The following FBN3 variants were observed in gnomAD, a reference collection of about 807,000 sequenced individuals.
The protein encoded by FBN3 is fibrillin 3.
FBN3 carries 234 observed loss-of-function variants against 330.1 expected under a neutral mutation model. The observed-to-expected ratio is 0.71, with a 90% CI of 0.64 to 0.79. The LOEUF is 0.79. Ranked by LOEUF, FBN3 falls within the 30% of genes least tolerant of loss-of-function variation. The probability of loss-of-function intolerance (pLI) is 0.00; values close to 1 mark genes in which losing one functional copy is unlikely to be tolerated. For synonymous variants in FBN3, 1,458 were observed against 1,517.3 expected (o/e 0.96, Z 0.91); for missense variants, 3,606 against 3,886.9 (o/e 0.93, Z 1.92).
chr19:8,137,434 C>G (rs901393872), intron 10 of FBN3, among the ~76,000 whole-genome samples: 1 of 151,752 alleles, frequency 6.6e-6, no homozygotes, highest in Non-Finnish European at 1.5e-5. Flanking sequence ...CAAAATGGAG[C>G]CTTAGATCCC....
intron 41 of FBN3, among the ~76,000 whole-genome samples, chr19:8,100,100 A>T (rs533747865): frequency 1.3e-5 from 2 of 152,054 alleles, no homozygotes; most frequent in African/African-American, 4.8e-5. Context: ...AATAAGCCTG[A>T]CACAAAACAA....
intron 6 of FBN3, among the ~76,000 whole-genome samples, chr19:8,144,250 A>G (rs536714122): frequency 6.6e-6 from 1 of 152,096 alleles, no homozygotes; most frequent in Admixed American, 6.6e-5. Flanking sequence ...AAATTACAAA[A>G]ATTAGCTGAG....
Position 8,083,236 on chromosome 19 carries a change from G to C in FBN3, c.7213+11C>G. The C allele has an allele frequency of 6.2e-7, 1 of 1,613,866 alleles. No homozygotes were observed. Among genetic ancestry groups the C allele is most frequent in the Non-Finnish European group, 8.5e-7 (1 of 1,179,980 alleles). On this transcript the variant is annotated intron_variant, in intron 57 of 63. Transcript: ENST00000600128. ...TGGGCCAAGGGTGCAGGTGCAGAGG[G>C]CTGGGCTCACCCAGGCAGGTAGTAG...
chr19:8,118,165 A>G (rs1266715683), intron 26 of FBN3, among the ~76,000 whole-genome samples: 2 of 152,114 alleles, frequency 1.3e-5, no homozygotes, highest in Non-Finnish European at 2.9e-5. Context: ...ACCCAGAGGT[A>G]CACCCACACA....
In FBN3 at chr19:8,118,940, ACACTGG is replaced by A. The variant is rs2082773786; in HGVS notation, c.3288_3293del (p.Gln1097_Cys1098del). On this transcript the variant is annotated inframe_deletion, in exon 26 of 64. Coordinates refer to ENST00000600128, the MANE Select transcript of FBN3 (RefSeq NM_032447.5). ...TGGCCGTCAGCTCATGCCCAGGGGGACACTGGCACTTGTAGCTCCCATCCGTGTTGG... is the reference window on the plus strand; with the variant it reads ...TGGCCGTCAGCTCATGCCCAGGGGGACACTTGTAGCTCCCATCCGTGTTGG... 1 of 1,613,028 alleles carries A rather than the reference ACACTGG, an allele frequency of 6.2e-7. No individual in the cohort carries two copies. Among genetic ancestry groups the A allele is most frequent in the Non-Finnish European group, 8.5e-7 (1 of 1,179,206 alleles).
chr19:8,106,729 G>GTGGA (rs66869706), intron 37 of FBN3, among the ~76,000 whole-genome samples: 8 of 151,010 alleles, frequency 5.3e-5, no homozygotes, highest in African/African-American at 7.3e-5. Context: ...GGGTGGATAA[G>GTGGA]TGGATGGATG....
chr19:8,081,070 G>A lies in FBN3; in HGVS notation c.7386C>T (p.Val2462=), dbSNP rs368025913. The change falls in exon 59 of 64, where the codon GTC becomes GTT. Residue 2462 remains valine (V), a synonymous_variant. Coordinates refer to ENST00000600128, the MANE Select transcript of FBN3 (RefSeq NM_032447.5). ...SRQHNCQFLC[V]NTVGAFTCRC... Reference sequence around the variant, plus strand: ...GGCAGGTGAAGGCGCCCACAGTGTTGACACAGAGGAACTGACAGTTGTGCT... The same window carrying A: ...GGCAGGTGAAGGCGCCCACAGTGTTAACACAGAGGAACTGACAGTTGTGCT... 5 of 1,613,594 alleles carry A rather than the reference G, an allele frequency of 3.1e-6. No homozygotes were observed. Among genetic ancestry groups the A allele is most frequent in the Non-Finnish European group, 4.2e-6 (5 of 1,179,998 alleles).
At chr19:8,134,160 T>C (rs1046998717) in intron 13 of FBN3, among the ~76,000 whole-genome samples, 3 of 151,754 alleles carry the variant, frequency 2.0e-5, no homozygotes, top group African/African-American at 7.3e-5. Context: ...GGGAATGATG[T>C]GAACCCGGGA....
Position 8,131,452 on chromosome 19 carries a change from G to A in FBN3, c.1990+102C>T. The A allele has an allele frequency of 2.0e-6, 3 of 1,492,440 alleles. No individual in the cohort carries two copies. The highest frequency in any genetic ancestry group is 2.7e-6 in the Non-Finnish European group (3 of 1,096,236). 92.4% of individuals were successfully genotyped at this position (1,492,440 alleles called of 1,614,324 possible). A position where few individuals can be genotyped will look rare whatever the true frequency, so the allele number is the denominator to read the frequency against. On this transcript the variant is annotated intron_variant, in intron 15 of 63. Transcript: ENST00000600128. This position sits in a 1 kb window ranked among gnomAD's most constrained non-coding sequence, Gnocchi z 4.5. Reference sequence around the variant, plus strand: ...ACTCCCTTCAGCCTCTTTTTGGGAAGAGCCCCCACTCCATGGCAGCCATGA... The same window carrying A: ...ACTCCCTTCAGCCTCTTTTTGGGAAAAGCCCCCACTCCATGGCAGCCATGA...
At chr19:8,090,729 C>T (rs537047162) in intron 48 of FBN3, among the ~76,000 whole-genome samples, 1 of 152,072 alleles carries the variant, frequency 6.6e-6, no homozygotes, top group South Asian at 2.1e-4. Context: ...GGTGATCAGC[C>T]TGCCTCAGCC....
At chr19:8,073,002 T>TGC (rs1555723748) in intron 62 of FBN3, 61 bp downstream of exon 62, 182 of 930,810 alleles carry the variant, frequency 2.0e-4, no homozygotes, top group Middle Eastern at 1.6e-3. Flanking sequence ...TGTGTGTGTG[T>TGC]GCGTGCGTGC....
chr19:8,095,846 T>C (rs2082196864), intron 45 of FBN3, 118 bp downstream of exon 45: 1 of 661,040 alleles, frequency 1.5e-6, no homozygotes, highest in African/African-American at 1.8e-5. Flanking sequence ...GAGTATGTTA[T>C]TTAATTTCTA....
chr19:8,136,139 G>A (rs1306288581), intron 12 of FBN3, 51 bp downstream of exon 12: 3 of 1,612,606 alleles, frequency 1.9e-6, no homozygotes, highest in Non-Finnish European at 2.5e-6. Flanking sequence ...CTCCAAGCCT[G>A]GGCCAGAACC....
At chr19:8,128,718 C>T (rs8112970) in intron 18 of FBN3, among the ~76,000 whole-genome samples, 49,337 of 152,038 alleles carry the variant, frequency 0.32, 9,378 homozygotes, top group Non-Finnish European at 0.45. Flanking sequence ...TCTGTGTATA[C>T]ACGGCATGTG....
chr19:8,098,946 G>A (rs978679646), intron 41 of FBN3, among the ~76,000 whole-genome samples: 1 of 152,166 alleles, frequency 6.6e-6, no homozygotes, highest in Non-Finnish European at 1.5e-5. Context: ...ATCACTGGGG[G>A]ACCTGGGATG....
At chr19:8,099,937 G>T (rs1004916349) in intron 41 of FBN3, among the ~76,000 whole-genome samples, 1 of 151,426 alleles carries the variant, frequency 6.6e-6, no homozygotes, top group African/African-American at 2.4e-5. Flanking sequence ...TTGAACCCAG[G>T]AGGCAGAGGT....
intron 48 of FBN3, 36 bp downstream of exon 48, chr19:8,091,429 T>G: frequency 1.9e-5 from 25 of 1,335,318 alleles, no homozygotes; most frequent in Non-Finnish European, 2.2e-5. Context: ...CCCGCCCCAC[T>G]TCCCACCCTC....
At chr19:8,090,934 C>T (rs1288049950) in intron 48 of FBN3, among the ~76,000 whole-genome samples, 2 of 152,194 alleles carry the variant, frequency 1.3e-5, no homozygotes, top group East Asian at 3.9e-4. Context: ...CCAGAAAGCC[C>T]GAGGATCCAA....
Position 8,129,017 on chromosome 19 carries a change from G to A in FBN3, c.2296+11C>T. The A allele has an allele frequency of 6.2e-7, 1 of 1,609,050 alleles. No homozygotes were observed. Among genetic ancestry groups the A allele is most frequent in the Non-Finnish European group, 8.5e-7 (1 of 1,176,902 alleles). On this transcript the variant is annotated intron_variant, in intron 18 of 63. Transcript: ENST00000600128. This position sits in a 1 kb window ranked among gnomAD's most constrained non-coding sequence, Gnocchi z 4.5. ...GTGTGTGCAAACCCACGTGAGCCCG[G>A]GACCCAGTACCTTTGCAGATCTCCG...
Sources: allele counts gnomAD v4.1 joint callset (sites outside exome capture counted in the v4.1 genomes callset), GRCh38; gene constraint gnomAD v4.1.1; non-coding constraint Gnocchi (gnomAD v3.1); transcripts MANE v1.5; gene names NCBI Gene and HGNC (gene_info 2026-07-23, HGNC 2026-07-21).